Variants in MARCHF10 observed in about 807,000 individuals in gnomAD.
MARCHF10 encodes membrane associated ring-CH-type finger 10.
MARCHF10 carries 64 observed loss-of-function variants against 76.2 expected under a neutral mutation model. The observed-to-expected ratio is 0.84, with a 90% CI of 0.69 to 1.03. The LOEUF is 1.03. Ranked by LOEUF, MARCHF10 falls within the 50% of genes least tolerant of loss-of-function variation. The pLI, the probability that MARCHF10 is intolerant of heterozygous loss-of-function variation, is 0.00. For missense variants in MARCHF10, 875 were observed against 958.0 expected (o/e 0.91, Z 1.14); for synonymous variants, 340 against 357.5 (o/e 0.95, Z 0.55).
chr17:62,779,067 G>A lies in MARCHF10; in HGVS notation c.210+9413C>T, dbSNP rs533425152. Among the ~76,000 whole-genome samples, 16 of 152,276 alleles carry A rather than the reference G, an allele frequency of 1.1e-4. No individual in the cohort carries two copies. The South Asian group carries it at 2.3e-3, about 22-fold the overall frequency. On this transcript the variant is annotated intron_variant, in intron 3 of 10. Coordinates refer to ENST00000311269, the MANE Select transcript of MARCHF10 (RefSeq NM_152598.4). ...TGCACATTCTCTCTCCATGACGTGCGTTTCAGGCTCCAGATGCTGCGTGCA... is the reference window on the plus strand; with the variant it reads ...TGCACATTCTCTCTCCATGACGTGCATTTCAGGCTCCAGATGCTGCGTGCA...
At position 62,737,134 on chromosome 17, in the gene MARCHF10, G is replaced by A. The variant is rs2091306930; in HGVS notation, c.734C>T (p.Pro245Leu). The A allele has an allele frequency of 6.2e-7, 1 of 1,613,964 alleles. No individual in the cohort carries two copies. The highest frequency in any genetic ancestry group is 1.3e-5 in the African/African-American group (1 of 74,866). ...LSQAFQGKNS[P>L]QVLSEFSGPP... The stretch of plus-strand genomic sequence containing the variant: ...CCCCGAGAACTCACTCAATACTTGA[G>A]GACTATTTTTTCCTTGGAAGGCCTG... Residue 245 changes from proline to leucine, a missense_variant, in exon 6 of 11, where the codon CCT becomes CTT. Pro to Leu is a moderately conservative substitution (Grantham distance 98, BLOSUM62 -3). Transcript: ENST00000311269.
intron 8 of MARCHF10, among the ~76,000 whole-genome samples, chr17:62,716,215 G>A (rs976321644): frequency 2.6e-5 from 4 of 152,204 alleles, no homozygotes; most frequent in African/African-American, 9.6e-5. Context: ...CTGCTGGTCG[G>A]TAGGGCCCTG....
intron 3 of MARCHF10, among the ~76,000 whole-genome samples, chr17:62,768,231 C>T (rs886956169): frequency 1.3e-5 from 2 of 152,122 alleles, no homozygotes; most frequent in Non-Finnish European, 2.9e-5. Context: ...TTGTACCATT[C>T]ATATGGGCCA....
chr17:62,750,780 G>A (rs184763740), intron 4 of MARCHF10, among the ~76,000 whole-genome samples: 1 of 152,284 alleles, frequency 6.6e-6, no homozygotes, highest in East Asian at 1.9e-4. Flanking sequence ...GACAGATGTC[G>A]GGAAGTTCTT....
At chr17:62,733,341 G>T (rs1269939500) in intron 6 of MARCHF10, among the ~76,000 whole-genome samples, 2 of 152,098 alleles carry the variant, frequency 1.3e-5, no homozygotes, top group South Asian at 4.2e-4. Flanking sequence ...AAACACAAAT[G>T]GTCATTTAAT....
chr17:62,760,291 C>T (rs1287532054), intron 3 of MARCHF10, among the ~76,000 whole-genome samples: 1 of 152,148 alleles, frequency 6.6e-6, no homozygotes, highest in Non-Finnish European at 1.5e-5. Flanking sequence ...ATTTCTGACC[C>T]TTAAGTAATT....
At chr17:62,733,099 T>C (rs894156379) in intron 6 of MARCHF10, among the ~76,000 whole-genome samples, 2 of 150,236 alleles carry the variant, frequency 1.3e-5, no homozygotes, top group African/African-American at 4.9e-5. Flanking sequence ...ATTAAATTAA[T>C]AGGCCAGAGA....
At chr17:62,786,472 G>T (rs2092749082) in intron 3 of MARCHF10, among the ~76,000 whole-genome samples, 1 of 152,156 alleles carries the variant, frequency 6.6e-6, no homozygotes, top group African/African-American at 2.4e-5. Flanking sequence ...CGTGGCACAA[G>T]TATATCTATG....
At chr17:62,704,873 T>A (rs764089366) in intron 10 of MARCHF10, 62 of 946,952 alleles carry the variant, frequency 6.5e-5, no homozygotes, top group Non-Finnish European at 7.4e-5. Context: ...GTGTTGATTC[T>A]GCCTCCTGAT....
chr17:62,704,207 C>T (rs2147528957), intron 10 of MARCHF10, among the ~76,000 whole-genome samples: 1 of 151,606 alleles, frequency 6.6e-6, no homozygotes, highest in Middle Eastern at 3.4e-3. Flanking sequence ...GGGCGGGCGG[C>T]GGCGGGGAGC....
chr17:62,792,137 CT>C (rs2092855196), intron 2 of MARCHF10, among the ~76,000 whole-genome samples: 1 of 151,968 alleles, frequency 6.6e-6, no homozygotes, highest in African/African-American at 2.4e-5. Flanking sequence ...CCCCACCCCC[CT>C]AGTGCGTCCC....
At position 62,711,389 on chromosome 17, in the gene MARCHF10, C is replaced by T; in HGVS notation, c.2215-45G>A. The T allele has an allele frequency of 6.3e-7, 1 of 1,576,388 alleles. No individual in the cohort carries two copies. Among genetic ancestry groups the T allele is most frequent in the Non-Finnish European group, 8.7e-7 (1 of 1,146,878 alleles). On this transcript the variant is annotated intron_variant, in intron 8 of 10. Transcript: ENST00000311269. The surrounding 1 kb of genome is among the most constrained non-coding windows in gnomAD (Gnocchi z 4.4). ...CTCTTCAGTTCATCTGTAAAATAGT[C>T]ATGGTCTAAATTGTGGGATGCAGGG...
chr17:62,708,487 A>C (rs1348088568), intron 9 of MARCHF10, among the ~76,000 whole-genome samples: 2 of 151,998 alleles, frequency 1.3e-5, no homozygotes, highest in African/African-American at 2.4e-5. Context: ...CTTGTGATCC[A>C]CCTGTCTCGG....
At chr17:62,757,430 G>T (rs953418952) in intron 4 of MARCHF10, among the ~76,000 whole-genome samples, 1 of 152,152 alleles carries the variant, frequency 6.6e-6, no homozygotes, top group African/African-American at 2.4e-5. Flanking sequence ...TTCTGTAACA[G>T]CAGAAAACTG....
intron 3 of MARCHF10, among the ~76,000 whole-genome samples, chr17:62,786,388 G>C (rs1436081008): frequency 6.6e-6 from 1 of 151,736 alleles, no homozygotes; most frequent in Non-Finnish European, 1.5e-5. Context: ...GTCATGGGGT[G>C]GGGGGCTGGG....
intron 6 of MARCHF10, chr17:62,735,277 A>G (rs1027094677): frequency 9.9e-5 from 15 of 152,250 alleles, no homozygotes; most frequent in Non-Finnish European, 1.5e-5. Context: ...ATGGCTTTAC[A>G]AAGTATCACA....
intron 8 of MARCHF10, among the ~76,000 whole-genome samples, chr17:62,718,640 A>G (rs114471895): frequency 0.026 from 3,986 of 152,244 alleles, 212 homozygotes; most frequent in African/African-American, 0.092. Context: ...CGGCACCCTG[A>G]CTGGCACCTG....
chr17:62,788,906 AC>A (rs1358192636), intron 2 of MARCHF10, among the ~76,000 whole-genome samples: 3 of 151,522 alleles, frequency 2.0e-5, no homozygotes, highest in African/African-American at 7.3e-5. Context: ...TACTAAAAAT[AC>A]AAAAAATTAG....
chr17:62,730,135 G>A (rs192374630), intron 6 of MARCHF10, among the ~76,000 whole-genome samples: 3 of 118,514 alleles, frequency 2.5e-5, no homozygotes, highest in Non-Finnish European at 3.9e-5. Context: ...GCAGTGAGCC[G>A]AGATTGCACC....
Sources: gnomAD v4.1 joint callset for allele counts (sites outside exome capture counted in the v4.1 genomes callset) on GRCh38, gnomAD v4.1.1 for gene constraint, Gnocchi (gnomAD v3.1) non-coding constraint, MANE v1.5 for transcripts, NCBI Gene and HGNC (gene_info 2026-07-23, HGNC 2026-07-21) for gene names.